LHFPL3: variants seen among roughly 807,000 people sequenced by gnomAD.
The protein encoded by LHFPL3 is LHFPL tetraspan subfamily member 3 protein.
In LHFPL3, 5 loss-of-function variants were observed where a neutral mutation model predicts 19.3. That is an observed-to-expected ratio of 0.26 (90% CI 0.14 to 0.54). LHFPL3 has a LOEUF of 0.54. Among genes scored for constraint, LHFPL3 ranks in the 20% least tolerant of loss-of-function variants. The pLI, the probability that LHFPL3 is intolerant of heterozygous loss-of-function variation, is 0.94. For synonymous variants in LHFPL3, 133 were observed against 126.2 expected, an observed-to-expected ratio of 1.05 and a Z score of -0.36; for missense variants, 249 against 307.4, an observed-to-expected ratio of 0.81 and a Z score of 1.42.
intron 2 of LHFPL3, among the ~76,000 whole-genome samples, chr7:104,863,125 A>G (rs906743646): frequency 1.3e-5 from 2 of 152,188 alleles, no homozygotes; most frequent in African/African-American, 4.8e-5. Flanking sequence ...CCAAAAAGAT[A>G]ATAAAAATAG....
intron 2 of LHFPL3, among the ~76,000 whole-genome samples, chr7:104,808,097 T>C (rs1295197948): frequency 2.6e-5 from 4 of 152,198 alleles, no homozygotes; most frequent in East Asian, 3.8e-4. Context: ...TATTTGACTC[T>C]CAACCTACTC....
intron 2 of LHFPL3, among the ~76,000 whole-genome samples, chr7:104,855,867 G>A (rs529818299): frequency 1.3e-5 from 2 of 152,154 alleles, no homozygotes; most frequent in African/African-American, 4.8e-5. Context: ...GCCTTGGCCT[G>A]CCAATGTGCT....
At chr7:104,580,256 T>A (rs1275362243) in intron 1 of LHFPL3, among the ~76,000 whole-genome samples, 1 of 152,148 alleles carries the variant, frequency 6.6e-6, no homozygotes, top group African/African-American at 2.4e-5. Context: ...TGACTATTTG[T>A]AAAGGCCCAG....
chr7:104,502,509 C>T (rs1201468193), intron 1 of LHFPL3, among the ~76,000 whole-genome samples: 1 of 152,210 alleles, frequency 6.6e-6, no homozygotes, highest in African/African-American at 2.4e-5. Flanking sequence ...GCTAAGCCAT[C>T]TGGACTGTGA....
chr7:104,797,907 C>A (rs1169876422), intron 2 of LHFPL3, among the ~76,000 whole-genome samples: 2 of 151,988 alleles, frequency 1.3e-5, no homozygotes, highest in African/African-American at 4.8e-5. Flanking sequence ...CAGAGTGAGA[C>A]CCTGTCTCAA....
At chr7:104,491,500 G>C (rs573664200) in intron 1 of LHFPL3, among the ~76,000 whole-genome samples, 20 of 151,984 alleles carry the variant, frequency 1.3e-4, no homozygotes, top group Non-Finnish European at 2.5e-4. Context: ...AGGTGGAAGA[G>C]GGAGGGCTGG....
At chr7:104,777,115 G>C (rs1420229647) in intron 2 of LHFPL3, among the ~76,000 whole-genome samples, 2 of 152,198 alleles carry the variant, frequency 1.3e-5, no homozygotes, top group Admixed American at 1.3e-4. Flanking sequence ...CAAAAGTATA[G>C]CCCATAGATT....
chr7:104,662,392 C>T (rs1792240774), intron 1 of LHFPL3, among the ~76,000 whole-genome samples: 1 of 152,158 alleles, frequency 6.6e-6, no homozygotes, highest in African/African-American at 2.4e-5. Flanking sequence ...TTAATCCCCC[C>T]AAGGACCCAA....
intron 1 of LHFPL3, among the ~76,000 whole-genome samples, chr7:104,464,911 T>C (rs1792748298): frequency 1.3e-5 from 2 of 152,228 alleles, no homozygotes; most frequent in Admixed American, 6.5e-5. Context: ...TGGGCTTGAA[T>C]TTCTTCCCAG....
chr7:104,445,716 C>G (rs1407873011), intron 1 of LHFPL3, among the ~76,000 whole-genome samples: 1 of 152,110 alleles, frequency 6.6e-6, no homozygotes, highest in African/African-American at 2.4e-5. Context: ...AAACTTGTAT[C>G]CAGGCAAAGT....
At position 104,344,952 on chromosome 7, in the gene LHFPL3, G is replaced by A. The variant is rs533744509; in HGVS notation, c.445+15728G>A. ...AGTTGAGAAGTCTCTCTCTTTTTTT[G>A]TCTTTGAGAAAAAAATTTGTGTATG... On this transcript the variant is annotated intron_variant, in intron 1 of 2. Coordinates refer to ENST00000424859, the MANE Select transcript of LHFPL3 (RefSeq NM_199000.3). Among the ~76,000 whole-genome samples the A allele has an allele frequency of 4.7e-4, 72 of 151,752 alleles. 1 individual carries two copies. In the South Asian group the frequency reaches 0.013, roughly 28 times the overall value.
chr7:104,574,441 T>A (rs1401018968), intron 1 of LHFPL3, among the ~76,000 whole-genome samples: 1 of 152,216 alleles, frequency 6.6e-6, no homozygotes, highest in East Asian at 1.9e-4. Context: ...GAAAGCCCTT[T>A]AAAGGACTTT....
chr7:104,533,732 A>G (rs1794344593), intron 1 of LHFPL3, among the ~76,000 whole-genome samples: 1 of 152,200 alleles, frequency 6.6e-6, no homozygotes, highest in African/African-American at 2.4e-5. Flanking sequence ...CAACTGGTTC[A>G]GGGACTCCAG....
chr7:104,634,865 A>G (rs960142193), intron 1 of LHFPL3, among the ~76,000 whole-genome samples: 5 of 152,174 alleles, frequency 3.3e-5, no homozygotes, highest in Admixed American at 2.6e-4. Context: ...ATGGACAGAA[A>G]GGGATCATAT....
chr7:104,364,731 C>G (rs902782776), intron 1 of LHFPL3, among the ~76,000 whole-genome samples: 2 of 152,200 alleles, frequency 1.3e-5, no homozygotes, highest in African/African-American at 4.8e-5. Flanking sequence ...GGTCATTTAA[C>G]TTTGTTGGAC....
At chr7:104,509,980 AT>A (rs1345684572) in intron 1 of LHFPL3, among the ~76,000 whole-genome samples, 1 of 152,102 alleles carries the variant, frequency 6.6e-6, no homozygotes, top group Non-Finnish European at 1.5e-5. Flanking sequence ...GTGCAGTACT[AT>A]TTATAATGAC....
chr7:104,772,017 A>G (rs1045124471), intron 2 of LHFPL3, among the ~76,000 whole-genome samples: 1 of 151,276 alleles, frequency 6.6e-6, no homozygotes, highest in Non-Finnish European at 1.5e-5. Flanking sequence ...AAGAGGTTTC[A>G]CCATGTTGGC....
intron 1 of LHFPL3, among the ~76,000 whole-genome samples, chr7:104,613,770 A>G (rs1791255562): frequency 6.6e-6 from 1 of 152,214 alleles, no homozygotes; most frequent in African/African-American, 2.4e-5. Context: ...CGAGTGGAAC[A>G]GACAAGAGTT....
At chr7:104,585,480 AACACACACACACACACACAC>A (rs57028058) in intron 1 of LHFPL3, among the ~76,000 whole-genome samples, 4 of 123,360 alleles carry the variant, frequency 3.2e-5, no homozygotes, top group Non-Finnish European at 6.9e-5. Context: ...AACACACACA[AACACACACACACACACACAC>A]ACACACACAC....
Sources: allele counts gnomAD v4.1 joint callset (sites outside exome capture counted in the v4.1 genomes callset), GRCh38; gene constraint gnomAD v4.1.1; transcripts MANE v1.5; gene names NCBI Gene and HGNC (gene_info 2026-07-23, HGNC 2026-07-21).